Variants in GPCPD1 observed in about 807,000 individuals in gnomAD.
The protein encoded by GPCPD1 is glycerophosphocholine phosphodiesterase GPCPD1.
A neutral mutation model predicts 89.2 loss-of-function variants in GPCPD1; 29 were observed. The ratio of observed to expected loss-of-function variants is 0.33; its 90% CI spans 0.24 to 0.44. The LOEUF is 0.44. Ranked by LOEUF, GPCPD1 falls within the 20% of genes least tolerant of loss-of-function variation. The pLI is 1.00. For synonymous variants in GPCPD1, 258 were observed against 266.3 expected, an observed-to-expected ratio of 0.97 and a Z score of 0.30; for missense variants, 594 against 808.9, an observed-to-expected ratio of 0.73 and a Z score of 3.22.
intron 11 of GPCPD1, among the ~76,000 whole-genome samples, chr20:5,573,272 G>A (rs1986819404): frequency 6.6e-6 from 1 of 152,104 alleles, no homozygotes; most frequent in Admixed American, 6.6e-5. Flanking sequence ...TTTTAGTACA[G>A]GCTGGGTTTC....
In GPCPD1 at chr20:5,578,554, A is replaced by G; in HGVS notation, c.531T>C (p.Thr177=). ...EEDDDDRVSP[T]VLHKMSNSLE... Reference sequence around the variant, plus strand: ...AGCTATTGGACATTTTGTGGAGTACAGTGGGAGATACCCTATCATCGTCAT... The same window carrying G: ...AGCTATTGGACATTTTGTGGAGTACGGTGGGAGATACCCTATCATCGTCAT... Residue 177 remains threonine, a synonymous_variant, in exon 8 of 20, where the codon ACT becomes ACC. Coordinates refer to ENST00000379019, the MANE Select transcript of GPCPD1 (RefSeq NM_019593.5). The G allele has an allele frequency of 1.2e-6, 2 of 1,613,866 alleles. No individual in the cohort carries two copies. Among genetic ancestry groups the G allele is most frequent in the South Asian group, 1.1e-5 (1 of 91,084 alleles).
chr20:5,566,833 T>A, intron 13 of GPCPD1, 61 bp from the exon 14 acceptor site: 1 of 1,006,264 alleles, frequency 9.9e-7, no homozygotes, highest in Non-Finnish European at 1.6e-6. Context: ...AAGAGATGGT[T>A]AACAGAAAAT....
chr20:5,571,277 T>G (rs939123225), intron 11 of GPCPD1, among the ~76,000 whole-genome samples: 5 of 152,184 alleles, frequency 3.3e-5, no homozygotes, highest in African/African-American at 9.7e-5. Flanking sequence ...CCAAAACCCT[T>G]TCTACCAAAG....
chr20:5,570,143 G>A lies in GPCPD1; in HGVS notation c.1149+4C>T, dbSNP rs370522670. ...GAGTTTGAAATGAAGAAATTTCAAC[G>A]TACCTTTTTCATAGTCAAACAACAG... On this transcript the variant is annotated splice_donor_region_variant and intron_variant, in intron 12 of 19. Coordinates refer to ENST00000379019, the MANE Select transcript of GPCPD1 (RefSeq NM_019593.5). The A allele has an allele frequency of 1.6e-5, 23 of 1,402,372 alleles. No homozygotes were observed. The highest frequency in any genetic ancestry group is 4.6e-5 in the East Asian group (2 of 43,212). The allele number at this position is 1,402,372 out of a possible 1,614,324, so 86.9% of individuals were successfully genotyped here.
At chr20:5,595,691 A>G (rs529795081) in intron 3 of GPCPD1, among the ~76,000 whole-genome samples, 19 of 152,068 alleles carry the variant, frequency 1.2e-4, no homozygotes, top group Non-Finnish European at 2.2e-4. Context: ...TGCTTGACAC[A>G]TGTTCCCTAT....
In GPCPD1 at chr20:5,582,173, G is replaced by A. The variant is rs1197236708; in HGVS notation, c.350-2042C>T. On this transcript the variant is annotated intron_variant, in intron 6 of 19. Transcript: ENST00000379019. ...TGCACTCCAGCCTGGGCGACAGAGC[G>A]AGACTCCCGTCTCAAAAAAAAAAAA... Among the ~76,000 whole-genome samples the A allele has an allele frequency of 4.9e-4, 50 of 102,486 alleles. No homozygotes were observed. In the South Asian group the frequency reaches 6.4e-3, roughly 13 times the overall value. 67.2% of individuals were successfully genotyped at this position (102,486 alleles called of 152,430 possible).
At chr20:5,594,856 A>G (rs1429642554) in intron 3 of GPCPD1, among the ~76,000 whole-genome samples, 1 of 152,180 alleles carries the variant, frequency 6.6e-6, no homozygotes, top group African/African-American at 2.4e-5. Context: ...TATCAGTGCC[A>G]TTTTCCCAAC....
intron 19 of GPCPD1, chr20:5,548,856 C>G (rs1985195392): frequency 1.1e-6 from 1 of 940,466 alleles, no homozygotes; most frequent in Non-Finnish European, 1.5e-6. Flanking sequence ...AAACCAGAAA[C>G]CACCCCTACT....
intron 3 of GPCPD1, among the ~76,000 whole-genome samples, chr20:5,594,593 C>G (rs1212157265): frequency 1.3e-5 from 2 of 152,124 alleles, no homozygotes; most frequent in Non-Finnish European, 2.9e-5. Flanking sequence ...GGCCCGGCCG[C>G]CTCCAGGTAA....
chr20:5,552,787 T>C (rs1985502117), intron 19 of GPCPD1, among the ~76,000 whole-genome samples: 1 of 152,162 alleles, frequency 6.6e-6, no homozygotes, highest in South Asian at 2.1e-4. Flanking sequence ...ACCAAACTAA[T>C]TGAGACAAAA....
At chr20:5,569,535 T>G (rs1986590234) in intron 12 of GPCPD1, among the ~76,000 whole-genome samples, 1 of 152,034 alleles carries the variant, frequency 6.6e-6, no homozygotes, top group African/African-American at 2.4e-5. Flanking sequence ...TCCATTCTTC[T>G]GGTCCCCTAC....
At chr20:5,591,343 T>C (rs1233454083) in intron 4 of GPCPD1, among the ~76,000 whole-genome samples, 19 of 152,208 alleles carry the variant, frequency 1.2e-4, no homozygotes, top group Admixed American at 1.2e-3. Flanking sequence ...TAAAATTTCA[T>C]TTACTCAATA....
chr20:5,558,838 A>T lies in GPCPD1; in HGVS notation c.1533-19T>A. On this transcript the variant is annotated intron_variant, in intron 17 of 19. Coordinates refer to ENST00000379019, the MANE Select transcript of GPCPD1 (RefSeq NM_019593.5). ...CCGAACCCTGAAAAGAAACAATTTT[A>T]AAAATACCTTTCAATGGGGGGTAAC... 10 of 1,532,084 alleles carry T rather than the reference A, an allele frequency of 6.5e-6. No homozygotes were observed. The highest frequency in any genetic ancestry group is 8.8e-6 in the Non-Finnish European group (10 of 1,133,024). The allele number at this position is 1,532,084 out of a possible 1,614,324, so 94.9% of individuals were successfully genotyped here.
intron 1 of GPCPD1, among the ~76,000 whole-genome samples, chr20:5,606,482 CCT>C (rs754149118): frequency 6.6e-6 from 1 of 152,164 alleles, no homozygotes; most frequent in Non-Finnish European, 1.5e-5. Context: ...TTCCCCTCCC[CCT>C]GAATCATTTA....
At chr20:5,569,686 C>A (rs1335208646) in intron 12 of GPCPD1, among the ~76,000 whole-genome samples, 3 of 152,102 alleles carry the variant, frequency 2.0e-5, no homozygotes, top group Admixed American at 6.5e-5. Flanking sequence ...GTATTTCCTA[C>A]CCCCCTAGTT....
chr20:5,586,364 A>T (rs1194284167), intron 4 of GPCPD1, 95 bp from the exon 5 acceptor site: 8 of 666,130 alleles, frequency 1.2e-5, no homozygotes, highest in Non-Finnish European at 2.2e-5. Flanking sequence ...TCTTATACTA[A>T]ATATGAGACC....
intron 18 of GPCPD1, among the ~76,000 whole-genome samples, 172 bp from the exon 19 acceptor site, chr20:5,558,277 A>C (rs1306914781): frequency 6.6e-6 from 1 of 152,168 alleles, no homozygotes; most frequent in East Asian, 1.9e-4. Flanking sequence ...TCATACATAA[A>C]TATATTCACA....
Position 5,547,749 on chromosome 20 carries a change from G to A in GPCPD1, c.1931C>T (p.Thr644Ile). 3.7e-6 allele frequency: 6 copies of A among 1,610,210 alleles called. No individual in the cohort carries two copies. Among genetic ancestry groups the A allele is most frequent in the Non-Finnish European group, 5.1e-6 (6 of 1,176,464 alleles). Residue 644 changes from threonine (T) to isoleucine (I), a missense_variant, in exon 20 of 20, where the codon ACT becomes ATT. Transcript: ENST00000379019. ...LPELKSCLCP[T>I]VSRFVPSSLC... ...AGATGAGGGAACAAAGCGGCTAACA[G>A]TGGGACACAAACAGCTCTTAAGCTC...
chr20:5,604,806 C>CACACAT (rs71197772), intron 1 of GPCPD1, among the ~76,000 whole-genome samples: 2 of 150,950 alleles, frequency 1.3e-5, no homozygotes, highest in Admixed American at 6.6e-5. Context: ...CACACACACA[C>CACACAT]GCCAGGCATG....
Sources: gnomAD v4.1 joint callset for allele counts (sites outside exome capture counted in the v4.1 genomes callset) on GRCh38, gnomAD v4.1.1 for gene constraint, MANE v1.5 for transcripts, NCBI Gene and HGNC (gene_info 2026-07-23, HGNC 2026-07-21) for gene names.